Variants in PIK3CA observed in about 807,000 individuals in gnomAD.
PIK3CA encodes the protein phosphatidylinositol-4,5-bisphosphate 3-kinase catalytic subunit alpha.
A neutral mutation model predicts 138.2 loss-of-function variants in PIK3CA; 27 were observed. That is an observed-to-expected ratio of 0.20 (90% confidence interval 0.14 to 0.27). The LOEUF (loss-of-function observed/expected upper bound fraction) is 0.27. PIK3CA is among the 10% of genes least tolerant of loss of function. PIK3CA has a pLI of 1.00. For missense variants in PIK3CA, 544 were observed against 1,277.4 expected (o/e 0.43, Z 8.75); for synonymous variants, 358 against 413.2 (o/e 0.87, Z 1.62).
intron 4 of PIK3CA, 92 bp from the exon 5 acceptor site, chr3:179,203,452 T>G (rs1724472873): frequency 2.5e-6 from 3 of 1,202,642 alleles, no homozygotes; most frequent in Admixed American, 2.5e-5. Flanking sequence ...TTATCACCTT[T>G]GCAGATTAAT....
intron 9 of PIK3CA, among the ~76,000 whole-genome samples, chr3:179,217,319 A>G (rs1332123927): frequency 1.3e-5 from 2 of 152,128 alleles, no homozygotes; most frequent in Non-Finnish European, 1.5e-5. Context: ...ATTTCCCACT[A>G]TAACAGAGGC....
chr3:179,150,015 GTTTT>G (rs113847531), intron 1 of PIK3CA, among the ~76,000 whole-genome samples: 1 of 145,748 alleles, frequency 6.9e-6, no homozygotes, highest in Non-Finnish European at 1.5e-5. Context: ...AGTTTTTGGT[GTTTT>G]TTTTTTTTCC....
In PIK3CA at chr3:179,229,530, C is replaced by T. The variant is rs553660159; in HGVS notation, c.2666+88C>T. 1.8e-5 allele frequency: 16 copies of T among 903,696 alleles called. No homozygotes were observed. In the African/African-American group the frequency reaches 2.4e-4, roughly 13 times the overall value. 56.0% of individuals were successfully genotyped at this position (903,696 alleles called of 1,614,324 possible). A position where few individuals can be genotyped will look rare whatever the true frequency, so the allele number is the denominator to read the frequency against. ...GTTTGTGTATTCCTCTGAGTTAGAA[C>T]AGAGAAAACAATTGTACTTTCTATG... On this transcript the variant is annotated intron_variant, in intron 18 of 20. Coordinates refer to ENST00000263967, the MANE Select transcript of PIK3CA (RefSeq NM_006218.4).
At chr3:179,162,364 C>G (rs1420594132) in intron 1 of PIK3CA, among the ~76,000 whole-genome samples, 1 of 151,952 alleles carries the variant, frequency 6.6e-6, no homozygotes, top group Non-Finnish European at 1.5e-5. Context: ...CACACTCTGC[C>G]ACACCCATCT....
At chr3:179,195,674 A>G (rs893810656) in intron 1 of PIK3CA, among the ~76,000 whole-genome samples, 15 of 152,204 alleles carry the variant, frequency 9.9e-5, no homozygotes, top group African/African-American at 3.6e-4. Flanking sequence ...CATGGTTATA[A>G]TATGGGCTTT....
intron 1 of PIK3CA, among the ~76,000 whole-genome samples, chr3:179,164,249 G>A (rs905091784): frequency 9.9e-5 from 15 of 152,212 alleles, no homozygotes; most frequent in Admixed American, 2.0e-4. Context: ...TCTTAGGTAC[G>A]TTTTCTTTTG....
At chr3:179,178,261 CAAAAAAAAA>C (rs60887179) in intron 1 of PIK3CA, among the ~76,000 whole-genome samples, 1 of 79,888 alleles carries the variant, frequency 1.3e-5, no homozygotes, top group South Asian at 3.9e-4. Flanking sequence ...CTCTAAAGAT[CAAAAAAAAA>C]AAAAAAAAAA....
chr3:179,173,452 G>A (rs566698893), intron 1 of PIK3CA, among the ~76,000 whole-genome samples: 114 of 149,540 alleles, frequency 7.6e-4, no homozygotes, highest in Non-Finnish European at 1.2e-3. Flanking sequence ...GGTGGCGGGC[G>A]CCTGTAGTCC....
At chr3:179,171,418 T>C (rs1400150211) in intron 1 of PIK3CA, among the ~76,000 whole-genome samples, 3 of 152,014 alleles carry the variant, frequency 2.0e-5, no homozygotes, top group Admixed American at 1.3e-4. Flanking sequence ...TGTACCAAAG[T>C]AAGTAGAAGA....
intron 9 of PIK3CA, among the ~76,000 whole-genome samples, chr3:179,211,003 T>A (rs927640647): frequency 2.0e-5 from 3 of 152,112 alleles, no homozygotes; most frequent in Admixed American, 6.5e-5. Flanking sequence ...ATTGGAAAAT[T>A]TTTTGGAGAT....
chr3:179,238,681 G>A lies in PIK3CA; in HGVS notation c.*4317G>A, dbSNP rs1310171542. 4.4e-6 allele frequency: 1 copy of A among 226,550 alleles called. No homozygotes were observed. The allele number at this position is 226,550 out of a possible 1,614,324, so 14.0% of individuals were successfully genotyped here. A position where few individuals can be genotyped will look rare whatever the true frequency, so the allele number is the denominator to read the frequency against. On this transcript the variant is annotated 3_prime_UTR_variant, in exon 21 of 21. Transcript: ENST00000263967. The stretch of plus-strand genomic sequence containing the variant: ...CATTTGAAAAAGGCAATAGTTTGAG[G>A]AGGTTCCCGAATTCGGCATTTGAAA...
chr3:179,155,993 A>C (rs1453737786), intron 1 of PIK3CA, among the ~76,000 whole-genome samples: 1 of 151,896 alleles, frequency 6.6e-6, no homozygotes, highest in Non-Finnish European at 1.5e-5. Flanking sequence ...TTCTAATACA[A>C]CTCCCAAATG....
At position 179,229,450 on chromosome 3, in the gene PIK3CA, G is replaced by T; in HGVS notation, c.2666+8G>T. On this transcript the variant is annotated splice_region_variant and intron_variant, in intron 18 of 20. Coordinates refer to ENST00000263967, the MANE Select transcript of PIK3CA (RefSeq NM_006218.4). ...CAAGAACAAAGGAGAAATGTGAGTT[G>T]TATTATTCTTTCTTCCTATGTTAAT... is the stretch of plus-strand genomic sequence containing the variant. 1 of 1,600,772 alleles carries T rather than the reference G, an allele frequency of 6.2e-7. No individual in the cohort carries two copies.
chr3:179,224,674 T>C (rs758303562), intron 15 of PIK3CA, 26 bp from the exon 16 acceptor site: 4 of 1,476,312 alleles, frequency 2.7e-6, no homozygotes, highest in Admixed American at 3.7e-5. Flanking sequence ...CAAAGGTACC[T>C]AGTAAAGTTT....
chr3:179,225,922 CT>C (rs1205012834), intron 16 of PIK3CA, 39 bp from the exon 17 acceptor site: 1 of 1,014,826 alleles, frequency 9.9e-7, no homozygotes, highest in African/African-American at 1.6e-5. Flanking sequence ...AAATTTGCAT[CT>C]GTGGCATTAA....
intron 5 of PIK3CA, 145 bp from the exon 6 acceptor site, chr3:179,204,352 CATCAGT>C (rs1477101439): frequency 2.3e-6 from 1 of 436,834 alleles, no homozygotes; most frequent in Non-Finnish European, 4.3e-6. Flanking sequence ...GAAGACTCTA[CATCAGT>C]ATTAACGTGT....
At chr3:179,229,911 G>A in intron 18 of PIK3CA, 93 bp from the exon 19 acceptor site, 1 of 735,934 alleles carries the variant, frequency 1.4e-6, no homozygotes, top group Non-Finnish European at 2.2e-6. Flanking sequence ...TGTTTTCATT[G>A]TTTAAATGGA....
intron 20 of PIK3CA, among the ~76,000 whole-genome samples, chr3:179,233,106 G>A (rs1011559093): frequency 6.6e-6 from 1 of 152,078 alleles, no homozygotes; most frequent in Non-Finnish European, 1.5e-5. Flanking sequence ...TGATCCTCCT[G>A]CCTCGGCTTC....
intron 1 of PIK3CA, among the ~76,000 whole-genome samples, chr3:179,190,789 A>G (rs146052175): frequency 0.022 from 3,300 of 152,300 alleles, 115 homozygotes; most frequent in Admixed American, 0.11. Context: ...ATGCATATGC[A>G]TAGGGGTCCT....
Sources: allele counts gnomAD v4.1 joint callset (sites outside exome capture counted in the v4.1 genomes callset), GRCh38; gene constraint gnomAD v4.1.1; transcripts MANE v1.5; gene names NCBI Gene and HGNC (gene_info 2026-07-23, HGNC 2026-07-21).